The following ADGRL2 variants were observed in gnomAD, a reference collection of about 807,000 sequenced individuals.
The protein encoded by ADGRL2 is adhesion G protein-coupled receptor L2, also known as calcium-independent alpha-latrotoxin receptor 2.
In ADGRL2, 44 loss-of-function variants were observed where a neutral mutation model predicts 157.4. That is an observed-to-expected ratio of 0.28 (90% CI 0.22 to 0.36). ADGRL2 has a LOEUF of 0.36. Ranked by LOEUF, ADGRL2 falls within the 10% of genes least tolerant of loss-of-function variation. ADGRL2 has a pLI of 1.00. For missense variants in ADGRL2, 1,510 were observed against 1,768.9 expected (o/e 0.85, Z 2.63); for synonymous variants, 585 against 624.7 (o/e 0.94, Z 0.95).
At chr1:81,781,908 C>T (rs1482895282) in intron 2 of ADGRL2, among the ~76,000 whole-genome samples, 1 of 152,156 alleles carries the variant, frequency 6.6e-6, no homozygotes, top group African/African-American at 2.4e-5. Context: ...ATAGGCTCTC[C>T]CACTTGTAGA....
chr1:81,580,840 T>G (rs191609271), intron 2 of ADGRL2: 16 of 152,328 alleles, frequency 1.1e-4, no homozygotes, highest in Middle Eastern at 6.8e-3. Context: ...GAGCCAAGTA[T>G]GTCATATATC....
intron 1 of ADGRL2, chr1:81,427,214 G>A: frequency 2.5e-6 from 2 of 790,576 alleles, no homozygotes; most frequent in South Asian, 1.3e-5. Context: ...CAACTTTGGT[G>A]GAAGAGGAGG....
intron 1 of ADGRL2, among the ~76,000 whole-genome samples, chr1:81,759,449 C>T (rs926780112): frequency 6.6e-6 from 1 of 152,042 alleles, no homozygotes; most frequent in Non-Finnish European, 1.5e-5. Flanking sequence ...TTTTACTATA[C>T]AGTATCAAAT....
intron 2 of ADGRL2, among the ~76,000 whole-genome samples, chr1:81,888,209 T>G (rs989791590): frequency 3.3e-5 from 5 of 152,080 alleles, no homozygotes; most frequent in African/African-American, 1.2e-4. Context: ...ACGTAGAAAC[T>G]CCTCTTTTGA....
intron 1 of ADGRL2, among the ~76,000 whole-genome samples, chr1:81,377,654 T>A (rs958289695): frequency 6.6e-6 from 1 of 152,130 alleles, no homozygotes; most frequent in Non-Finnish European, 1.5e-5. Flanking sequence ...GATTGTTAGG[T>A]TTCCTCTTTG....
chr1:81,813,399 T>C (rs1350223812), intron 1 of ADGRL2, among the ~76,000 whole-genome samples: 1 of 151,726 alleles, frequency 6.6e-6, no homozygotes, highest in Non-Finnish European at 1.5e-5. Flanking sequence ...TAGCTAATCT[T>C]TACTAATGTG....
At chr1:81,691,878 G>GTATATATATATATATATATATATATA (rs755115574) in intron 3 of ADGRL2, among the ~76,000 whole-genome samples, 3,235 of 120,686 alleles carry the variant, frequency 0.027, 87 homozygotes, top group Middle Eastern at 0.04. Flanking sequence ...GTGTGTGTGT[G>GTATATATATATATATATATATATATA]TGTATATATA....
At chr1:81,562,211 C>T (rs1469685180) in intron 2 of ADGRL2, among the ~76,000 whole-genome samples, 1 of 151,932 alleles carries the variant, frequency 6.6e-6, no homozygotes, top group Non-Finnish European at 1.5e-5. Context: ...AAAAGAGGCC[C>T]TCAAGGAAGA....
chr1:81,345,452 C>G (rs1374857978), intron 1 of ADGRL2, among the ~76,000 whole-genome samples: 3 of 152,174 alleles, frequency 2.0e-5, no homozygotes, highest in Non-Finnish European at 4.4e-5. Flanking sequence ...GCTACATTGT[C>G]TCATCTATTC....
intron 3 of ADGRL2, among the ~76,000 whole-genome samples, chr1:81,619,368 A>G (rs2081738809): frequency 6.6e-6 from 1 of 151,542 alleles, no homozygotes; most frequent in East Asian, 1.9e-4. Context: ...AGATTTCCCT[A>G]TTCACCAACA....
At chr1:81,590,159 C>G (rs2081103745) in intron 3 of ADGRL2, among the ~76,000 whole-genome samples, 1 of 152,154 alleles carries the variant, frequency 6.6e-6, no homozygotes, top group South Asian at 2.1e-4. Context: ...CAGTTCCTGT[C>G]TCATGGAGAC....
rs77902983 is a variant in ADGRL2 at position 81,327,451 on chromosome 1, A to T, written c.-302+20942A>T. ...GAAAGGCAGTCTGTGCCAGAAACTGATTAAATTTCAGTCATCTATCCAAAG... is the reference window on the plus strand; with the variant it reads ...GAAAGGCAGTCTGTGCCAGAAACTGTTTAAATTTCAGTCATCTATCCAAAG... On this transcript the variant is annotated intron_variant, in intron 1 of 24. Transcript: ENST00000370721. Among the ~76,000 whole-genome samples, 7 of 152,324 alleles carry T rather than the reference A, an allele frequency of 4.6e-5. No individual in the cohort carries two copies. The East Asian group carries it at 1.4e-3, about 29-fold the overall frequency.
At chr1:81,335,889 C>T (rs1661607539) in intron 1 of ADGRL2, among the ~76,000 whole-genome samples, 1 of 152,008 alleles carries the variant, frequency 6.6e-6, no homozygotes, top group African/African-American at 2.4e-5. Flanking sequence ...ATCTTTCCTT[C>T]ATGGAGTTTA....
At chr1:81,396,630 T>G (rs180813279) in intron 1 of ADGRL2, among the ~76,000 whole-genome samples, 2 of 152,322 alleles carry the variant, frequency 1.3e-5, no homozygotes, top group South Asian at 2.1e-4. Flanking sequence ...AACTGTGGGT[T>G]TATCATATAT....
chr1:81,511,048 G>C (rs964626106), intron 2 of ADGRL2, among the ~76,000 whole-genome samples: 2 of 151,948 alleles, frequency 1.3e-5, no homozygotes, highest in Non-Finnish European at 2.9e-5. Context: ...ATAATATGAA[G>C]ACATTTCTTA....
intron 2 of ADGRL2, chr1:81,579,174 A>C (rs138068990): frequency 1.3e-5 from 2 of 152,188 alleles, no homozygotes; most frequent in Admixed American, 1.3e-4. Context: ...AGCTTTGTGT[A>C]TCCATGGTTT....
chr1:81,948,333 C>A (rs1650606640), intron 6 of ADGRL2, among the ~76,000 whole-genome samples: 1 of 151,696 alleles, frequency 6.6e-6, no homozygotes, highest in Non-Finnish European at 1.5e-5. Context: ...AATTGAGGTC[C>A]TTTTAATGTC....
chr1:81,541,345 T>G (rs146872160), intron 2 of ADGRL2, among the ~76,000 whole-genome samples: 1 of 152,204 alleles, frequency 6.6e-6, no homozygotes. Context: ...TATTTTTTCT[T>G]ACTTAGGCAA....
At chr1:81,748,431 C>T (rs1358674820) in intron 1 of ADGRL2, among the ~76,000 whole-genome samples, 1 of 139,274 alleles carries the variant, frequency 7.2e-6, no homozygotes, top group Non-Finnish European at 1.5e-5. Context: ...ATCGCGCCAC[C>T]GCACTCCAGC....
Sources: allele counts gnomAD v4.1 joint callset (sites outside exome capture counted in the v4.1 genomes callset), GRCh38; gene constraint gnomAD v4.1.1; transcripts MANE v1.5; gene names NCBI Gene and HGNC (gene_info 2026-07-23, HGNC 2026-07-21).